FLI1: variants seen among roughly 807,000 people sequenced by gnomAD.
FLI1 encodes Friend leukemia integration 1 transcription factor.
FLI1 carries 13 observed loss-of-function variants against 53.1 expected under a neutral mutation model. The observed-to-expected ratio is 0.24, with a 90% CI of 0.16 to 0.39. The LOEUF (loss-of-function observed/expected upper bound fraction) is 0.39, where lower values mean the gene tolerates loss of function less well. Among genes scored for constraint, FLI1 ranks in the 10% least tolerant of loss-of-function variants. FLI1 has a pLI of 1.00. For missense variants in FLI1, 424 were observed against 600.5 expected (o/e 0.71, Z 3.07); for synonymous variants, 244 against 236.7 (o/e 1.03, Z -0.28).
At position 128,811,707 on chromosome 11, in the gene FLI1, A is replaced by T. The variant is rs549262715; in HGVS notation, c.*719A>T. The T allele has an allele frequency of 6.0e-3, 1,162 of 192,990 alleles. 5 individuals carry two copies. The highest frequency in any genetic ancestry group is 9.2e-3 in the Non-Finnish European group (856 of 93,244). 12.0% of individuals were successfully genotyped at this position (192,990 alleles called of 1,614,324 possible). A position where few individuals can be genotyped will look rare whatever the true frequency, so the allele number is the denominator to read the frequency against. Reference sequence around the variant, plus strand: ...AAATTACTAATTTTTTTTTTTTTTTAAATGATGACAGTGGTCCCAGAACTT... The same window carrying T: ...AAATTACTAATTTTTTTTTTTTTTTTAATGATGACAGTGGTCCCAGAACTT... On this transcript the variant is annotated 3_prime_UTR_variant, in exon 9 of 9. Coordinates refer to ENST00000527786, the MANE Select transcript of FLI1 (RefSeq NM_002017.5).
intron 2 of FLI1, among the ~76,000 whole-genome samples, chr11:128,762,350 A>T (rs1364419649): frequency 6.6e-6 from 1 of 152,232 alleles, no homozygotes; most frequent in East Asian, 1.9e-4. Context: ...AAGGCAGGGT[A>T]TAAAATTTGA....
intron 4 of FLI1, among the ~76,000 whole-genome samples, chr11:128,775,000 C>A (rs1203089380): frequency 1.3e-5 from 2 of 152,118 alleles, no homozygotes; most frequent in Non-Finnish European, 1.5e-5. Context: ...TTGCTTCTTT[C>A]TTTTTAAGAA....
intron 1 of FLI1, among the ~76,000 whole-genome samples, chr11:128,753,799 T>C (rs531339928): frequency 4.6e-5 from 7 of 152,168 alleles, no homozygotes; most frequent in Non-Finnish European, 7.4e-5. Context: ...CTTGTTTGCC[T>C]CCTCCGTCCC....
intron 1 of FLI1, among the ~76,000 whole-genome samples, chr11:128,736,969 C>G (rs1010572270): frequency 6.6e-6 from 1 of 152,186 alleles, no homozygotes; most frequent in Non-Finnish European, 1.5e-5. Context: ...TTCTAACAAA[C>G]AAACAACCAT....
At chr11:128,685,999 T>C (rs1049391319), upstream of FLI1, 12 of 221,254 alleles carry the variant, frequency 5.4e-5, no homozygotes, top group South Asian at 5.6e-5. Context: ...TGACAGTCAT[T>C]GTAGCAGTCT....
chr11:128,689,521 C>T (rs964145331), upstream of FLI1, among the ~76,000 whole-genome samples: 1 of 152,202 alleles, frequency 6.6e-6, no homozygotes, highest in African/African-American at 2.4e-5. Context: ...AAGGAGGTTG[C>T]TAGCCCCAGA....
intron 2 of FLI1, among the ~76,000 whole-genome samples, chr11:128,759,858 A>C (rs7926153): frequency 0.013 from 2,020 of 152,324 alleles, 43 homozygotes; most frequent in African/African-American, 0.046. Flanking sequence ...GAACTGTGAA[A>C]GTGGATGAGG....
At chr11:128,799,614 A>G (rs1438278814) in intron 5 of FLI1, among the ~76,000 whole-genome samples, 1 of 152,150 alleles carries the variant, frequency 6.6e-6, no homozygotes, top group Non-Finnish European at 1.5e-5. Flanking sequence ...AACTGCCAAA[A>G]TAATCCCCAG....
chr11:128,800,295 A>T (rs2284789), intron 5 of FLI1, among the ~76,000 whole-genome samples: 17,347 of 152,170 alleles, frequency 0.11, 1,091 homozygotes, highest in East Asian at 0.26. Context: ...CAGAAATTCA[A>T]TGAGAAGTTT....
chr11:128,753,940 C>T (rs765041826), intron 1 of FLI1, among the ~76,000 whole-genome samples: 4 of 152,160 alleles, frequency 2.6e-5, no homozygotes, highest in Admixed American at 6.5e-5. Flanking sequence ...AAAGGGGTGC[C>T]GTTTATTTGC....
intron 2 of FLI1, among the ~76,000 whole-genome samples, chr11:128,763,088 G>T (rs1164698436): frequency 6.6e-6 from 1 of 152,210 alleles, no homozygotes; most frequent in Non-Finnish European, 1.5e-5. Flanking sequence ...GACAGCATGG[G>T]CTTCTGAGTT....
At chr11:128,800,214 G>A (rs1942588654) in intron 5 of FLI1, among the ~76,000 whole-genome samples, 2 of 152,178 alleles carry the variant, frequency 1.3e-5, no homozygotes, top group Admixed American at 1.3e-4. Flanking sequence ...TCGGCTGAAA[G>A]GTCTGCATTC....
intron 6 of FLI1, 124 bp from the exon 7 acceptor site, chr11:128,807,056 G>A (rs1443156247): frequency 2.1e-6 from 1 of 469,542 alleles, no homozygotes; most frequent in Non-Finnish European, 3.8e-6. Flanking sequence ...TCTAAAATAA[G>A]ATGAATAAAT....
chr11:128,767,999 G>C (rs745493870), intron 2 of FLI1, 119 bp from the exon 3 acceptor site: 2 of 826,284 alleles, frequency 2.4e-6, no homozygotes, highest in East Asian at 5.4e-5. Context: ...ATGACACCAA[G>C]TGTGGCCGGG....
intron 1 of FLI1, among the ~76,000 whole-genome samples, chr11:128,712,110 G>C (rs945382470): frequency 6.6e-6 from 1 of 152,118 alleles, no homozygotes; most frequent in Non-Finnish European, 1.5e-5. Context: ...AGATCATGGG[G>C]GGCAGATCCC....
chr11:128,719,200 C>A (rs189897010), intron 1 of FLI1, among the ~76,000 whole-genome samples: 1 of 151,798 alleles, frequency 6.6e-6, no homozygotes, highest in African/African-American at 2.4e-5. Context: ...CAGGCAGGAC[C>A]CTGTTCAAAT....
chr11:128,809,080 T>A, intron 7 of FLI1, 77 bp from the exon 8 acceptor site: 1 of 1,178,654 alleles, frequency 8.5e-7, no homozygotes, highest in Non-Finnish European at 1.3e-6. Flanking sequence ...TATAAACCCT[T>A]ATGGTTTTCT....
upstream of FLI1, among the ~76,000 whole-genome samples, chr11:128,689,168 C>G (rs574702880): frequency 4.0e-4 from 60 of 151,854 alleles, 1 homozygote; most frequent in African/African-American, 1.4e-3. Context: ...AGCTAGAATT[C>G]AAACCTAGGT....
At chr11:128,791,183 GT>G (rs922859522) in intron 5 of FLI1, among the ~76,000 whole-genome samples, 5 of 152,288 alleles carry the variant, frequency 3.3e-5, no homozygotes, top group African/African-American at 1.2e-4. Flanking sequence ...GCGTAGAGGT[GT>G]GATAGTTTTG....
Sources: gnomAD v4.1 joint callset for allele counts (sites outside exome capture counted in the v4.1 genomes callset) on GRCh38, gnomAD v4.1.1 for gene constraint, MANE v1.5 for transcripts, NCBI Gene and HGNC (gene_info 2026-07-23, HGNC 2026-07-21) for gene names.